KIRREL3: variants seen among roughly 807,000 people sequenced by gnomAD.
KIRREL3 encodes the protein kirre like nephrin family adhesion molecule 3, also known as kin of IRRE-like protein 3.
KIRREL3 carries 36 observed loss-of-function variants against 89.7 expected under a neutral mutation model. That is an observed-to-expected ratio of 0.40 (90% CI 0.31 to 0.53). The LOEUF is 0.53. Ranked by LOEUF, KIRREL3 falls within the 20% of genes least tolerant of loss-of-function variation. The pLI is 0.49. For missense variants in KIRREL3, 864 were observed against 1,056.6 expected (o/e 0.82, Z 2.53); for synonymous variants, 445 against 441.4 (o/e 1.01, Z -0.10).
chr11:126,434,070 G>A (rs536193108), intron 13 of KIRREL3, among the ~76,000 whole-genome samples: 120 of 152,362 alleles, frequency 7.9e-4, no homozygotes, highest in Admixed American at 1.4e-3. Context: ...GCCCCGGGGT[G>A]CCATCTCTTC....
chr11:126,698,673 G>A (rs892199997), intron 1 of KIRREL3, among the ~76,000 whole-genome samples: 28 of 152,266 alleles, frequency 1.8e-4, no homozygotes, highest in South Asian at 2.1e-4. Flanking sequence ...GAAGCCAGCC[G>A]GGAGTGGTGG....
At chr11:126,506,083 T>G (rs1291202607) in intron 4 of KIRREL3, among the ~76,000 whole-genome samples, 3 of 152,198 alleles carry the variant, frequency 2.0e-5, no homozygotes, top group Non-Finnish European at 4.4e-5. Context: ...CAAAAATGAA[T>G]TTAGGGCCTT....
At chr11:126,746,239 G>T (rs1447265387) in intron 1 of KIRREL3, among the ~76,000 whole-genome samples, 1 of 152,198 alleles carries the variant, frequency 6.6e-6, no homozygotes, top group Non-Finnish European at 1.5e-5. Flanking sequence ...TTGGGGATAT[G>T]AACATGAATG....
At chr11:126,556,721 G>A (rs1939734251) in intron 2 of KIRREL3, among the ~76,000 whole-genome samples, 1 of 152,184 alleles carries the variant, frequency 6.6e-6, no homozygotes, top group South Asian at 2.1e-4. Flanking sequence ...GGTAGGAAAG[G>A]TGGCTGGAGG....
Position 126,949,548 on chromosome 11 carries a change from G to T in KIRREL3, c.55+50907C>A, listed in dbSNP as rs1948718568. 2.0e-5 allele frequency among the ~76,000 whole-genome samples: 3 copies of T among 152,304 alleles called. No homozygotes were observed. In the South Asian group the frequency reaches 6.2e-4, roughly 32 times the overall value. On this transcript the variant is annotated intron_variant, in intron 1 of 16. Transcript: ENST00000525144. ...AGGCTGCTAAGCTTTTTGCCTGGAT[G>T]CTCTCACCCTTGGAGATCAGAAGCT...
intron 1 of KIRREL3, among the ~76,000 whole-genome samples, chr11:126,857,308 C>T (rs1944550444): frequency 6.6e-6 from 1 of 152,236 alleles, no homozygotes; most frequent in Admixed American, 6.5e-5. Context: ...CTTGGGCCAG[C>T]CCAGGTGCTT....
In KIRREL3 at chr11:126,850,086, C is replaced by T. The variant is rs149298048; in HGVS notation, c.55+150369G>A. On this transcript the variant is annotated intron_variant, in intron 1 of 16. Transcript: ENST00000525144. ...GTACATCTTTCTTTAGCCACCAAAGCGGGGGTCCCTGTAATCTGGCACTGC... is the reference window on the plus strand; with the variant it reads ...GTACATCTTTCTTTAGCCACCAAAGTGGGGGTCCCTGTAATCTGGCACTGC... Among the ~76,000 whole-genome samples, 9 of 152,256 alleles carry T rather than the reference C, an allele frequency of 5.9e-5. No individual in the cohort carries two copies. The South Asian group carries it at 6.2e-4, about 11-fold the overall frequency.
chr11:126,517,662 C>T (rs1958462464), intron 4 of KIRREL3, among the ~76,000 whole-genome samples: 1 of 152,194 alleles, frequency 6.6e-6, no homozygotes, highest in Non-Finnish European at 1.5e-5. Flanking sequence ...GTCACTGCGC[C>T]AATCTTGGTT....
intron 11 of KIRREL3, 36 bp from the exon 12 acceptor site, chr11:126,437,045 C>T: frequency 6.8e-7 from 1 of 1,476,084 alleles, no homozygotes; most frequent in Non-Finnish European, 9.0e-7. Flanking sequence ...GAGACCCCAC[C>T]AGAGGGGCCC....
At chr11:126,914,076 G>A (rs1240996061) in intron 1 of KIRREL3, among the ~76,000 whole-genome samples, 2 of 152,214 alleles carry the variant, frequency 1.3e-5, no homozygotes, top group African/African-American at 4.8e-5. Flanking sequence ...ATGAGTGAAT[G>A]TGATGCCACA....
In KIRREL3 at chr11:126,989,431, C is replaced by T. The variant is rs79803107; in HGVS notation, c.55+11024G>A. Among the ~76,000 whole-genome samples the T allele has an allele frequency of 0.086, 13,093 of 152,054 alleles. 1,366 individuals carry two copies. Among genetic ancestry groups the T allele is most frequent in the African/African-American group, 0.24 (10,142 of 41,410 alleles). ...GGGAAGCTGCTGGGGTCTCAGCACA[C>T]CGTATAGAAAATCCCTCCAGCAACT... On this transcript the variant is annotated intron_variant, in intron 1 of 16. Coordinates refer to ENST00000525144, the MANE Select transcript of KIRREL3 (RefSeq NM_032531.4). The surrounding 1 kb of genome is among the most constrained non-coding windows in gnomAD (Gnocchi z 6.2).
rs562603604 is a variant in KIRREL3 at position 126,476,620 on chromosome 11, T to C, written c.434-3154A>G. 4.7e-5 allele frequency among the ~76,000 whole-genome samples: 7 copies of C among 149,420 alleles called. No individual in the cohort carries two copies. In the East Asian group the frequency reaches 1.4e-3, roughly 30 times the overall value. On this transcript the variant is annotated intron_variant, in intron 4 of 16. Transcript: ENST00000525144. The surrounding 1 kb of genome is among the most constrained non-coding windows in gnomAD (Gnocchi z 6.4). ...TGGGTATTCATGTAGCCAGGCATTA[T>C]TGATTGGTCTTCGCTTCACTGCACA...
rs1010625742 is a variant in KIRREL3 at position 126,611,684 on chromosome 11, C to G, written c.56-48772G>C. ...ATGGCTGCTCTCTGGGCTGCACGCA[C>G]GTTGGGTTCACTGATCGCAGAGTCT... On this transcript the variant is annotated intron_variant, in intron 1 of 16. Coordinates refer to ENST00000525144, the MANE Select transcript of KIRREL3 (RefSeq NM_032531.4). The surrounding 1 kb of genome is among the most constrained non-coding windows in gnomAD (Gnocchi z 4.7). 2.0e-5 allele frequency among the ~76,000 whole-genome samples: 3 copies of G among 152,148 alleles called. No homozygotes were observed. The highest frequency in any genetic ancestry group is 7.2e-5 in the African/African-American group (3 of 41,428).
At chr11:126,735,581 A>G (rs1027164583) in intron 1 of KIRREL3, among the ~76,000 whole-genome samples, 3 of 152,214 alleles carry the variant, frequency 2.0e-5, no homozygotes, top group Non-Finnish European at 2.9e-5. Context: ...ATTGGGGCTT[A>G]TTGGAGAAGG....
rs1949957319 is a variant in KIRREL3, at chr11:126,989,286, T to A, written c.55+11169A>T. Among the ~76,000 whole-genome samples the A allele has an allele frequency of 6.6e-6, 1 of 152,144 alleles. No homozygotes were observed. Among genetic ancestry groups the A allele is most frequent in the Non-Finnish European group, 1.5e-5 (1 of 68,026 alleles). On this transcript the variant is annotated intron_variant, in intron 1 of 16. Coordinates refer to ENST00000525144, the MANE Select transcript of KIRREL3 (RefSeq NM_032531.4). The surrounding 1 kb of genome is among the most constrained non-coding windows in gnomAD (Gnocchi z 6.2). ...ACTATCAGTAAAATGAAGACAGCAA[T>A]CCTGCCTTCAGCCCAACTCCACTGC... is the stretch of plus-strand genomic sequence containing the variant.
intron 4 of KIRREL3, among the ~76,000 whole-genome samples, chr11:126,479,204 A>G (rs1451574341): frequency 2.6e-5 from 4 of 152,020 alleles, no homozygotes; most frequent in Non-Finnish European, 5.9e-5. Flanking sequence ...CAGTGGAGGG[A>G]GGATGCCGAA....
rs556141193 is a variant in KIRREL3, at chr11:126,830,696, T to G, written c.55+169759A>C. Among the ~76,000 whole-genome samples, 2 of 152,198 alleles carry G rather than the reference T, an allele frequency of 1.3e-5. No homozygotes were observed. Among genetic ancestry groups the G allele is most frequent in the Non-Finnish European group, 2.9e-5 (2 of 68,030 alleles). On this transcript the variant is annotated intron_variant, in intron 1 of 16. Transcript: ENST00000525144. The surrounding 1 kb of genome is among the most constrained non-coding windows in gnomAD (Gnocchi z 4.9). ...CGCATTCATTGTCTAACTGCCTGGA[T>G]GCAAAACTAACTTAGCATAGCAGCT...
intron 1 of KIRREL3, among the ~76,000 whole-genome samples, chr11:126,828,976 T>C (rs975407941): frequency 3.3e-5 from 5 of 152,114 alleles, no homozygotes; most frequent in African/African-American, 1.2e-4. Flanking sequence ...ACTGCTGTGA[T>C]TCCTCTGGAC....
Position 126,990,086 on chromosome 11 carries a change from G to T in KIRREL3, c.55+10369C>A, listed in dbSNP as rs1949983116. On this transcript the variant is annotated intron_variant, in intron 1 of 16. Transcript: ENST00000525144. The surrounding 1 kb of genome is among the most constrained non-coding windows in gnomAD (Gnocchi z 6.3). ...GGAAAACGCCTGGAGCGGGGCAGGG[G>T]GCACAGGCCTGGAGGCGGCTCTAGG... Among the ~76,000 whole-genome samples the T allele has an allele frequency of 6.6e-6, 1 of 152,184 alleles. No homozygotes were observed. The highest frequency in any genetic ancestry group is 1.5e-5 in the Non-Finnish European group (1 of 68,034).
Sources: gnomAD v4.1 joint callset for allele counts (sites outside exome capture counted in the v4.1 genomes callset) on GRCh38, gnomAD v4.1.1 for gene constraint, Gnocchi (gnomAD v3.1) non-coding constraint, MANE v1.5 for transcripts, NCBI Gene and HGNC (gene_info 2026-07-23, HGNC 2026-07-21) for gene names.